RABGAP1L: variants seen among roughly 807,000 people sequenced by gnomAD.
RABGAP1L encodes RAB GTPase activating protein 1 like, also known as rab GTPase-activating protein 1-like.
RABGAP1L carries 63 observed loss-of-function variants against 137.7 expected under a neutral mutation model. The ratio of observed to expected loss-of-function variants is 0.46; its 90% CI spans 0.37 to 0.56. The LOEUF (loss-of-function observed/expected upper bound fraction) is 0.56, where lower values mean the gene tolerates loss of function less well. RABGAP1L is among the 20% of genes least tolerant of loss of function. The probability of loss-of-function intolerance (pLI) is 0.00; values close to 1 mark genes in which losing one functional copy is unlikely to be tolerated. For synonymous variants in RABGAP1L, 431 were observed against 433.7 expected (o/e 0.99, Z 0.08); for missense variants, 1,095 against 1,244.0 (o/e 0.88, Z 1.80).
rs199625717 is a variant in RABGAP1L at position 174,448,852 on chromosome 1, T to C, written c.1710+54707T>C. 5.3e-5 allele frequency: 85 copies of C among 1,613,762 alleles called. No individual in the cohort carries two copies. The highest frequency in any genetic ancestry group is 6.6e-5 in the Non-Finnish European group (78 of 1,179,670). On this transcript the variant is annotated intron_variant, in intron 13 of 25. Transcript: ENST00000681986. The surrounding 1 kb of genome is among the most constrained non-coding windows in gnomAD (Gnocchi z 4.2). Reference sequence around the variant, plus strand: ...ACCGAAGAGCCCGATTCCCTAGTCATGAGGTAGATTCTTCCAGAGAGACTG... The same window carrying C: ...ACCGAAGAGCCCGATTCCCTAGTCACGAGGTAGATTCTTCCAGAGAGACTG...
intron 11 of RABGAP1L, among the ~76,000 whole-genome samples, chr1:174,356,892 T>C (rs2148949811): frequency 6.6e-6 from 1 of 152,340 alleles, no homozygotes; most frequent in African/African-American, 2.4e-5. Flanking sequence ...CTATGTTTAG[T>C]ACTTCATATA....
chr1:174,583,303 A>C (rs1252717177), intron 13 of RABGAP1L, among the ~76,000 whole-genome samples: 1 of 152,170 alleles, frequency 6.6e-6, no homozygotes, highest in African/African-American at 2.4e-5. Context: ...TGCCCTAAAA[A>C]TTCCATTTCA....
At chr1:174,856,320 A>C (rs1649280402) in intron 19 of RABGAP1L, among the ~76,000 whole-genome samples, 1 of 151,720 alleles carries the variant, frequency 6.6e-6, no homozygotes, top group Admixed American at 6.6e-5. Context: ...GCTTGAACAC[A>C]GGAGGCGGAA....
chr1:174,414,117 AAC>A (rs1259319960), intron 13 of RABGAP1L, among the ~76,000 whole-genome samples: 2 of 152,330 alleles, frequency 1.3e-5, no homozygotes, highest in Non-Finnish European at 2.9e-5. Flanking sequence ...AGTAAATTAT[AAC>A]AGACTAGTAG....
intron 13 of RABGAP1L, among the ~76,000 whole-genome samples, chr1:174,522,306 A>G (rs1663475969): frequency 6.6e-6 from 1 of 152,140 alleles, no homozygotes; most frequent in South Asian, 2.1e-4. Flanking sequence ...GTCCAGACAC[A>G]GTGACTCAAA....
At chr1:174,308,927 G>C (rs185935217) in intron 11 of RABGAP1L, among the ~76,000 whole-genome samples, 1 of 151,784 alleles carries the variant, frequency 6.6e-6, no homozygotes, top group Non-Finnish European at 1.5e-5. Context: ...TTGGAATTTT[G>C]TTAGGGATTG....
intron 18 of RABGAP1L, among the ~76,000 whole-genome samples, chr1:174,793,878 G>A (rs190096276): frequency 6.6e-6 from 1 of 152,184 alleles, no homozygotes; most frequent in East Asian, 1.9e-4. Context: ...TGTATTTTTA[G>A]TAGAGACAGG....
At chr1:174,922,060 C>T (rs1050173935) in intron 19 of RABGAP1L, 3 of 152,210 alleles carry the variant, frequency 2.0e-5, no homozygotes, top group Admixed American at 2.0e-4. Flanking sequence ...TTATTTTTCT[C>T]CAGAAGATAG....
At chr1:174,187,842 A>G (rs950920115) in intron 1 of RABGAP1L, among the ~76,000 whole-genome samples, 3 of 152,168 alleles carry the variant, frequency 2.0e-5, no homozygotes, top group African/African-American at 4.8e-5. Flanking sequence ...GTGACCCTAC[A>G]TAACGTAATG....
intron 17 of RABGAP1L, among the ~76,000 whole-genome samples, chr1:174,711,450 AGTTCC>A (rs1404896207): frequency 6.6e-6 from 1 of 151,966 alleles, no homozygotes; most frequent in Non-Finnish European, 1.5e-5. Context: ...GGCCAGAACG[AGTTCC>A]AGGTGGGCGC....
chr1:174,304,147 C>T (rs1301304275), intron 10 of RABGAP1L, among the ~76,000 whole-genome samples: 1 of 151,956 alleles, frequency 6.6e-6, no homozygotes, highest in Non-Finnish European at 1.5e-5. Context: ...TTCTCAAATG[C>T]CCTTTATTTT....
At chr1:174,481,164 C>T (rs928278498) in intron 13 of RABGAP1L, among the ~76,000 whole-genome samples, 1 of 152,182 alleles carries the variant, frequency 6.6e-6, no homozygotes, top group African/African-American at 2.4e-5. Context: ...TTGACGCCAG[C>T]CCACTCCGAA....
At chr1:174,230,044 T>C (rs1056252427) in intron 3 of RABGAP1L, among the ~76,000 whole-genome samples, 2 of 152,134 alleles carry the variant, frequency 1.3e-5, no homozygotes, top group Non-Finnish European at 2.9e-5. Flanking sequence ...GTGGCACATA[T>C]ACACCATGGA....
intron 19 of RABGAP1L, among the ~76,000 whole-genome samples, chr1:174,913,344 C>T (rs1660350903): frequency 6.6e-6 from 1 of 152,126 alleles, no homozygotes; most frequent in Admixed American, 6.6e-5. Context: ...TGGTTTCCTC[C>T]AGAGCCTTTG....
chr1:174,320,445 G>A (rs1000097111), intron 11 of RABGAP1L, among the ~76,000 whole-genome samples: 6 of 152,096 alleles, frequency 3.9e-5, no homozygotes, highest in African/African-American at 1.4e-4. Context: ...GTAGCAATCT[G>A]TTGTATAGAT....
chr1:174,854,650 C>A (rs1024192120), intron 19 of RABGAP1L, among the ~76,000 whole-genome samples: 3 of 144,392 alleles, frequency 2.1e-5, no homozygotes, highest in Non-Finnish European at 4.5e-5. Context: ...ATAGATTCCA[C>A]CAGTGAATTT....
intron 13 of RABGAP1L, among the ~76,000 whole-genome samples, chr1:174,629,967 G>A (rs911894641): frequency 6.6e-6 from 1 of 152,018 alleles, no homozygotes; most frequent in East Asian, 1.9e-4. Context: ...TCCCTGTCTT[G>A]TGCCAGTTTT....
chr1:174,877,388 T>A, intron 19 of RABGAP1L: 10 of 1,388,886 alleles, frequency 7.2e-6, no homozygotes, highest in Non-Finnish European at 6.7e-6. Context: ...CCCCTCGAAC[T>A]CAGGTGGGTG....
At chr1:174,970,199 G>A (rs1472979506) in intron 21 of RABGAP1L, among the ~76,000 whole-genome samples, 1 of 152,162 alleles carries the variant, frequency 6.6e-6, no homozygotes, top group Admixed American at 6.6e-5. Context: ...ATGTGACTAG[G>A]AGAGTCAGAA....
Sources: allele counts gnomAD v4.1 joint callset (sites outside exome capture counted in the v4.1 genomes callset), GRCh38; gene constraint gnomAD v4.1.1; non-coding constraint Gnocchi (gnomAD v3.1); transcripts MANE v1.5; gene names NCBI Gene and HGNC (gene_info 2026-07-23, HGNC 2026-07-21).